CFAP206: variants seen among roughly 807,000 people sequenced by gnomAD.
CFAP206 encodes cilia- and flagella-associated protein 206.
In CFAP206, 53 loss-of-function variants were observed where a neutral mutation model predicts 65.4. That is an observed-to-expected ratio of 0.81 (90% CI 0.65 to 1.02). The LOEUF (loss-of-function observed/expected upper bound fraction) is 1.02, where lower values mean the gene tolerates loss of function less well. CFAP206 is among the 50% of genes least tolerant of loss of function. CFAP206 has a pLI of 0.00. For missense variants in CFAP206, 663 were observed against 753.2 expected (o/e 0.88, Z 1.40); for synonymous variants, 250 against 254.4 (o/e 0.98, Z 0.17).
chr6:87,440,961 C>A (rs1211090774), intron 11 of CFAP206, among the ~76,000 whole-genome samples: 1 of 152,082 alleles, frequency 6.6e-6, no homozygotes, highest in Non-Finnish European at 1.5e-5. Flanking sequence ...AATACTTAAA[C>A]AAGGAAGAGA....
intron 11 of CFAP206, among the ~76,000 whole-genome samples, chr6:87,439,435 GT>G (rs1393194885): frequency 7.2e-5 from 11 of 151,924 alleles, no homozygotes; most frequent in Non-Finnish European, 1.5e-4. Context: ...TGCAGGAAGT[GT>G]TTTTTCAAAA....
At chr6:87,448,477 C>T (rs538931306) in intron 11 of CFAP206, among the ~76,000 whole-genome samples, 1 of 152,238 alleles carries the variant, frequency 6.6e-6, no homozygotes, top group African/African-American at 2.4e-5. Context: ...ATATCCATCA[C>T]CTCAAATGTT....
intron 12 of CFAP206, among the ~76,000 whole-genome samples, chr6:87,462,210 C>T (rs1484997073): frequency 6.6e-6 from 1 of 152,156 alleles, no homozygotes; most frequent in East Asian, 1.9e-4. Flanking sequence ...ATGGTCTAGC[C>T]TTTGTCCATT....
At chr6:87,427,892 GT>G (rs755497247) in intron 8 of CFAP206, among the ~76,000 whole-genome samples, 1 of 151,286 alleles carries the variant, frequency 6.6e-6, no homozygotes, top group Non-Finnish European at 1.5e-5. Context: ...ACTTATGAAG[GT>G]GTTTTTTTCT....
At chr6:87,411,730 T>G (rs181017514) in intron 3 of CFAP206, among the ~76,000 whole-genome samples, 4 of 152,214 alleles carry the variant, frequency 2.6e-5, no homozygotes, top group African/African-American at 9.7e-5. Context: ...CTTCTGCATA[T>G]GGTAATCCAA....
intron 7 of CFAP206, among the ~76,000 whole-genome samples, chr6:87,422,543 A>G (rs1767959325): frequency 1.3e-5 from 2 of 151,578 alleles, no homozygotes; most frequent in South Asian, 2.1e-4. Context: ...TGAGGTCAGG[A>G]GTTCAAGACC....
chr6:87,422,663 A>T (rs934338022), intron 7 of CFAP206, among the ~76,000 whole-genome samples: 3 of 151,402 alleles, frequency 2.0e-5, no homozygotes, highest in Admixed American at 1.3e-4. Flanking sequence ...AGGCAGGAGA[A>T]TCGCTTGAAC....
intron 8 of CFAP206, among the ~76,000 whole-genome samples, chr6:87,427,552 G>T (rs1768064911): frequency 6.6e-6 from 1 of 152,094 alleles, no homozygotes; most frequent in African/African-American, 2.4e-5. Flanking sequence ...CTTAGATGTG[G>T]GGCCTTATTG....
chr6:87,430,967 CT>C, intron 9 of CFAP206, 65 bp from the exon 10 acceptor site: 1 of 1,474,056 alleles, frequency 6.8e-7, no homozygotes, highest in Non-Finnish European at 9.4e-7. Context: ...TGAGCTACTG[CT>C]GATTTATTTT....
At chr6:87,445,920 C>T (rs1768434440) in intron 11 of CFAP206, among the ~76,000 whole-genome samples, 1 of 152,182 alleles carries the variant, frequency 6.6e-6, no homozygotes, top group Admixed American at 6.5e-5. Flanking sequence ...GATGATACCT[C>T]ATTGTGGTTT....
intron 3 of CFAP206, 25 bp downstream of exon 3, chr6:87,410,693 T>C: frequency 6.5e-7 from 1 of 1,549,676 alleles, no homozygotes; most frequent in Non-Finnish European, 8.9e-7. Flanking sequence ...GTCCTCAAAT[T>C]TGCAATTACT....
chr6:87,456,368 T>C (rs1021587697), intron 11 of CFAP206, among the ~76,000 whole-genome samples: 5 of 152,070 alleles, frequency 3.3e-5, no homozygotes, highest in African/African-American at 9.7e-5. Context: ...AGAAGGAATA[T>C]ACCTCAACAC....
chr6:87,447,211 A>G (rs1768460176), intron 11 of CFAP206, among the ~76,000 whole-genome samples: 1 of 152,116 alleles, frequency 6.6e-6, no homozygotes, highest in Admixed American at 6.6e-5. Context: ...CCTGTCCAGA[A>G]CTTCCAGTAC....
At chr6:87,421,036 G>C (rs186837301) in intron 7 of CFAP206, among the ~76,000 whole-genome samples, 3 of 152,234 alleles carry the variant, frequency 2.0e-5, no homozygotes, top group Admixed American at 1.3e-4. Context: ...ATTATAAACT[G>C]CATCAATTTA....
intron 11 of CFAP206, among the ~76,000 whole-genome samples, chr6:87,451,737 TGG>T (rs895897030): frequency 6.6e-6 from 1 of 152,060 alleles, no homozygotes; most frequent in African/African-American, 2.4e-5. Flanking sequence ...TTCCTGATTC[TGG>T]GCCTTAGCTC....
At chr6:87,433,304 C>T (rs1474827372) in intron 10 of CFAP206, among the ~76,000 whole-genome samples, 1 of 152,128 alleles carries the variant, frequency 6.6e-6, no homozygotes, top group Non-Finnish European at 1.5e-5. Context: ...TTTTTGAGAG[C>T]AGGGAATTTG....
At chr6:87,408,386 T>G (rs1047510006) in intron 1 of CFAP206, 1 of 152,394 alleles carries the variant, frequency 6.6e-6, no homozygotes, top group African/African-American at 2.4e-5. Context: ...CTCGGGAGAC[T>G]TAGTAATTGG....
At chr6:87,409,802 G>A (rs760811736) in intron 1 of CFAP206, 33 bp from the exon 2 acceptor site, 4 of 1,423,898 alleles carry the variant, frequency 2.8e-6, no homozygotes, top group East Asian at 4.6e-5. Context: ...ATAAAACCAC[G>A]GTTTTTTTAA....
In CFAP206 at chr6:87,447,669, G is replaced by A. The variant is rs540705522; in HGVS notation, c.1494+12616G>A. 2.0e-5 allele frequency among the ~76,000 whole-genome samples: 3 copies of A among 152,208 alleles called. No individual in the cohort carries two copies. In the South Asian group the frequency reaches 6.2e-4, roughly 32 times the overall value. The stretch of plus-strand genomic sequence containing the variant: ...GTTGTTGTATCTCTGCCAGGTTTTG[G>A]TATCTGTATGATACTGGCCTCAAAA... On this transcript the variant is annotated intron_variant, in intron 11 of 12. Coordinates refer to ENST00000369562, the MANE Select transcript of CFAP206 (RefSeq NM_001031743.3).
Sources: gnomAD v4.1 joint callset for allele counts (sites outside exome capture counted in the v4.1 genomes callset) on GRCh38, gnomAD v4.1.1 for gene constraint, MANE v1.5 for transcripts, NCBI Gene and HGNC (gene_info 2026-07-23, HGNC 2026-07-21) for gene names.